WWOX: variants seen among roughly 807,000 people sequenced by gnomAD.
WWOX encodes WW domain containing oxidoreductase.
In WWOX, 69 loss-of-function variants were observed where a neutral mutation model predicts 46.2. That is an observed-to-expected ratio of 1.49 (90% CI 1.23 to 1.82). WWOX has a LOEUF of 1.82. Ranked by LOEUF, WWOX falls within the 40% of genes most tolerant of loss-of-function variation. WWOX has a pLI of 0.00. For missense variants in WWOX, 919 were observed against 542.6 expected, an observed-to-expected ratio of 1.69 and a Z score of -6.89; for synonymous variants, 359 against 202.6, an observed-to-expected ratio of 1.77 and a Z score of -6.56.
intron 8 of WWOX, among the ~76,000 whole-genome samples, chr16:78,467,977 G>A (rs1350240359): frequency 6.6e-6 from 1 of 152,082 alleles, no homozygotes; most frequent in Non-Finnish European, 1.5e-5. Context: ...TGACAAATGG[G>A]CAATCTTGGG....
At chr16:78,617,646 C>A (rs981663458) in intron 8 of WWOX, among the ~76,000 whole-genome samples, 2 of 152,050 alleles carry the variant, frequency 1.3e-5, no homozygotes, top group African/African-American at 2.4e-5. Flanking sequence ...AGTGAGTCCC[C>A]CTGCTCCTCA....
At chr16:78,843,520 A>T (rs1398602038) in intron 8 of WWOX, among the ~76,000 whole-genome samples, 1 of 150,068 alleles carries the variant, frequency 6.7e-6, no homozygotes, top group African/African-American at 2.4e-5. Context: ...CCCACAAATG[A>T]CATGTTTTGA....
chr16:78,869,714 A>G (rs1037129823), intron 8 of WWOX, among the ~76,000 whole-genome samples: 1 of 152,238 alleles, frequency 6.6e-6, no homozygotes, highest in Non-Finnish European at 1.5e-5. Flanking sequence ...TAGATGAGCA[A>G]GAGCTGCTGA....
At chr16:78,500,552 G>T (rs979954670) in intron 8 of WWOX, among the ~76,000 whole-genome samples, 2 of 152,074 alleles carry the variant, frequency 1.3e-5, no homozygotes, top group Non-Finnish European at 2.9e-5. Context: ...GGTGCATGCT[G>T]CTGGAACACC....
intron 8 of WWOX, among the ~76,000 whole-genome samples, chr16:79,144,940 T>A (rs1207192829): frequency 1.3e-5 from 2 of 152,160 alleles, no homozygotes; most frequent in African/African-American, 4.8e-5. Context: ...TAGGAAGAAA[T>A]GAAATATATG....
intron 6 of WWOX, among the ~76,000 whole-genome samples, chr16:78,412,163 C>T (rs145815506): frequency 6.6e-6 from 1 of 152,274 alleles, no homozygotes; most frequent in African/African-American, 2.4e-5. Flanking sequence ...GAGATACTGA[C>T]ATTGACCAGT....
intron 8 of WWOX, among the ~76,000 whole-genome samples, chr16:78,650,901 A>G (rs1257898535): frequency 1.3e-5 from 2 of 152,244 alleles, no homozygotes; most frequent in Non-Finnish European, 2.9e-5. Context: ...TCCATTGGAA[A>G]TGGAATAGAG....
At chr16:78,427,462 C>T (rs1273489550) in intron 7 of WWOX, among the ~76,000 whole-genome samples, 1 of 152,130 alleles carries the variant, frequency 6.6e-6, no homozygotes, top group Non-Finnish European at 1.5e-5. Flanking sequence ...GGTTGAACAA[C>T]CCTCAATGGC....
intron 8 of WWOX, among the ~76,000 whole-genome samples, chr16:78,859,036 ATATATATATATATGTATATAT>A: frequency 4.1e-5 from 1 of 24,664 alleles, no homozygotes; most frequent in East Asian, 5.6e-4. Flanking sequence ...AAATATATAT[ATATATATATATATGTATATAT>A]ATATATATAT....
chr16:78,429,401 C>G (rs1289218647), intron 7 of WWOX, among the ~76,000 whole-genome samples: 1 of 152,186 alleles, frequency 6.6e-6, no homozygotes, highest in East Asian at 1.9e-4. Context: ...CTCTCCCTGA[C>G]TTCCACCCAA....
At chr16:78,794,082 G>T (rs1462170194) in intron 8 of WWOX, among the ~76,000 whole-genome samples, 2 of 152,118 alleles carry the variant, frequency 1.3e-5, no homozygotes, top group East Asian at 1.9e-4. Flanking sequence ...CATTTGTTAG[G>T]AGATGGGGTC....
intron 8 of WWOX, among the ~76,000 whole-genome samples, chr16:78,601,429 C>T (rs1597330887): frequency 7.6e-6 from 1 of 131,910 alleles, no homozygotes; most frequent in Admixed American, 8.2e-5. Context: ...CATGGGAATT[C>T]CCCAGCAGAG....
intron 8 of WWOX, among the ~76,000 whole-genome samples, chr16:79,197,953 G>T (rs978718968): frequency 6.6e-6 from 1 of 152,130 alleles, no homozygotes; most frequent in Non-Finnish European, 1.5e-5. Context: ...GAAATCTGGG[G>T]CAGTTATAAA....
intron 8 of WWOX, among the ~76,000 whole-genome samples, chr16:78,853,956 C>T (rs2052510056): frequency 6.6e-6 from 1 of 152,048 alleles, no homozygotes; most frequent in Non-Finnish European, 1.5e-5. Flanking sequence ...CTTTTTATTT[C>T]TGAAGGAATT....
chr16:78,258,342 G>A (rs1481366697), intron 5 of WWOX, among the ~76,000 whole-genome samples: 1 of 152,172 alleles, frequency 6.6e-6, no homozygotes. Context: ...TATATACACT[G>A]AATGTAGTTT....
intron 8 of WWOX, among the ~76,000 whole-genome samples, chr16:78,717,887 G>C (rs928663359): frequency 3.9e-5 from 6 of 152,106 alleles, no homozygotes; most frequent in Admixed American, 3.9e-4. Flanking sequence ...CTGTGTACTG[G>C]TTTGAAACCT....
intron 5 of WWOX, among the ~76,000 whole-genome samples, chr16:78,382,083 A>G (rs1233641947): frequency 6.6e-6 from 1 of 151,980 alleles, no homozygotes; most frequent in Non-Finnish European, 1.5e-5. Flanking sequence ...ACTTTTTTTT[A>G]TAATGGATGT....
intron 8 of WWOX, among the ~76,000 whole-genome samples, chr16:78,733,951 T>C (rs944363078): frequency 6.6e-6 from 1 of 151,808 alleles, no homozygotes; most frequent in African/African-American, 2.4e-5. Context: ...TCCCAGGTAG[T>C]TGGGAGGCTG....
At position 78,926,660 on chromosome 16, in the gene WWOX, A is replaced by G. The variant is rs578128441; in HGVS notation, c.1057-284948A>G. Reference sequence around the variant, plus strand: ...TGATCTTTGGGCAGCATACACTGGTATGACCTTTATCATTTGTTCAGGTGT... The same window carrying G: ...TGATCTTTGGGCAGCATACACTGGTGTGACCTTTATCATTTGTTCAGGTGT... On this transcript the variant is annotated intron_variant, in intron 8 of 8. Coordinates refer to ENST00000566780, the MANE Select transcript of WWOX (RefSeq NM_016373.4). 3.3e-5 allele frequency among the ~76,000 whole-genome samples: 5 copies of G among 152,318 alleles called. No individual in the cohort carries two copies. In the East Asian group the frequency reaches 5.8e-4, roughly 18 times the overall value.
Sources: gnomAD v4.1 joint callset for allele counts (sites outside exome capture counted in the v4.1 genomes callset) on GRCh38, gnomAD v4.1.1 for gene constraint, MANE v1.5 for transcripts, NCBI Gene and HGNC (gene_info 2026-07-23, HGNC 2026-07-21) for gene names.